Variants in MIA2 observed in about 807,000 individuals in gnomAD.
The protein encoded by MIA2 is melanoma inhibitory activity protein 2.
Under a neutral mutation model 167.8 loss-of-function variants are expected in MIA2, and 127 were observed. That is an observed-to-expected ratio of 0.76 (90% CI 0.66 to 0.88). The LOEUF (loss-of-function observed/expected upper bound fraction) is 0.88. Among genes scored for constraint, MIA2 ranks in the 40% least tolerant of loss-of-function variants. The pLI is 0.00. For missense variants in MIA2, 1,690 were observed against 1,624.7 expected (o/e 1.04, Z -0.69); for synonymous variants, 552 against 541.9 (o/e 1.02, Z -0.26).
chr14:39,273,507 C>T (rs1002837658), intron 6 of MIA2, among the ~76,000 whole-genome samples: 1 of 152,082 alleles, frequency 6.6e-6, no homozygotes, highest in Non-Finnish European at 1.5e-5. Context: ...CATGTGCCAT[C>T]ATGCTTGGCT....
At chr14:39,288,454 TA>T (rs1482471421) in intron 9 of MIA2, among the ~76,000 whole-genome samples, 283 of 13,878 alleles carry the variant, frequency 0.02, 45 homozygotes, top group African/African-American at 0.04. Flanking sequence ...TATATATATA[TA>T]TATATATATA....
At chr14:39,341,973 A>G (rs985651339) in intron 25 of MIA2, among the ~76,000 whole-genome samples, 3 of 152,004 alleles carry the variant, frequency 2.0e-5, no homozygotes, top group Non-Finnish European at 4.4e-5. Context: ...AAACAAAACC[A>G]CAGAAAGGTT....
intron 23 of MIA2, among the ~76,000 whole-genome samples, chr14:39,368,908 C>T (rs1028249094): frequency 2.0e-5 from 3 of 152,076 alleles, no homozygotes; most frequent in Non-Finnish European, 4.4e-5. Context: ...CTTCTTCAAT[C>T]TCTCTATATT....
intron 23 of MIA2, among the ~76,000 whole-genome samples, chr14:39,358,569 G>T (rs1326475558): frequency 6.6e-6 from 1 of 152,160 alleles, no homozygotes; most frequent in African/African-American, 2.4e-5. Context: ...GTCATTCTCT[G>T]TCCAGCTTTG....
Position 39,321,000 on chromosome 14 carries a change from C to T in MIA2, c.3440C>T (p.Thr1147Ile). Reference sequence around the variant, plus strand: ...ACAAGAGCTTTTCTCTCTCCTCCAACTTTGTTGGAGGGTCCACTCAGACTC... The same window carrying T: ...ACAAGAGCTTTTCTCTCTCCTCCAATTTTGTTGGAGGGTCCACTCAGACTC... ...SETRAFLSPPTLLEGPLRLSP... is the reference protein window; with the variant it reads ...SETRAFLSPPILLEGPLRLSP... The change falls in exon 24 of 29, where the codon ACT becomes ATT. Residue 1147 changes from threonine (T) to isoleucine (I), a missense_variant. Coordinates refer to ENST00000640607, the MANE Select transcript of MIA2 (RefSeq NM_001329214.4). 1 of 1,613,792 alleles carries T rather than the reference C, an allele frequency of 6.2e-7. No individual in the cohort carries two copies. The highest frequency in any genetic ancestry group is 8.5e-7 in the Non-Finnish European group (1 of 1,179,750).
intron 24 of MIA2, among the ~76,000 whole-genome samples, chr14:39,324,180 G>C (rs1046874771): frequency 6.6e-5 from 10 of 152,206 alleles, no homozygotes; most frequent in African/African-American, 2.4e-4. Context: ...TGGGTAGTCA[G>C]TTGGCCTGTA....
chr14:39,320,858 A>G (rs1291727384), intron 23 of MIA2, 70 bp from the exon 24 acceptor site: 1 of 1,524,762 alleles, frequency 6.6e-7, no homozygotes, highest in East Asian at 2.3e-5. Flanking sequence ...AATTGTCGAA[A>G]TGGGATTCTA....
chr14:39,271,058 T>G (rs1405679335), intron 6 of MIA2, among the ~76,000 whole-genome samples: 1 of 152,216 alleles, frequency 6.6e-6, no homozygotes, highest in Non-Finnish European at 1.5e-5. Context: ...TACAAACATT[T>G]ACAGTTATGC....
chr14:39,373,513 T>C (rs1025957182), intron 23 of MIA2, among the ~76,000 whole-genome samples: 4 of 152,140 alleles, frequency 2.6e-5, no homozygotes, highest in Non-Finnish European at 5.9e-5. Context: ...TAAGAATCCA[T>C]TAGGATGTGT....
chr14:39,357,620 G>A (rs1034918465), intron 23 of MIA2, among the ~76,000 whole-genome samples: 14 of 152,082 alleles, frequency 9.2e-5, no homozygotes, highest in Non-Finnish European at 2.9e-5. Flanking sequence ...TATTTTGCTC[G>A]TTAGTTGATG....
intron 10 of MIA2, among the ~76,000 whole-genome samples, chr14:39,292,458 G>A (rs1339097472): frequency 6.6e-6 from 1 of 152,038 alleles, no homozygotes; most frequent in Non-Finnish European, 1.5e-5. Context: ...ACTATAATGT[G>A]ATGCAATTTA....
chr14:39,234,663 T>C (rs757164516), intron 1 of MIA2, among the ~76,000 whole-genome samples: 1 of 152,196 alleles, frequency 6.6e-6, no homozygotes, highest in Non-Finnish European at 1.5e-5. Context: ...CTCAGAACTT[T>C]CTGATTCTCA....
intron 6 of MIA2, among the ~76,000 whole-genome samples, chr14:39,257,302 G>C (rs2054863051): frequency 6.6e-6 from 1 of 152,162 alleles, no homozygotes; most frequent in Non-Finnish European, 1.5e-5. Context: ...AGGATAGTTA[G>C]CTCTTCATGT....
intron 4 of MIA2, among the ~76,000 whole-genome samples, chr14:39,249,163 C>G (rs2054445897): frequency 6.6e-6 from 1 of 152,080 alleles, no homozygotes; most frequent in Non-Finnish European, 1.5e-5. Context: ...TGTTTTGAGA[C>G]AAGGTTTCAC....
intron 6 of MIA2, among the ~76,000 whole-genome samples, chr14:39,270,324 C>T: frequency 6.6e-6 from 1 of 151,244 alleles, no homozygotes; most frequent in East Asian, 1.9e-4. Flanking sequence ...GCCTCAGCCT[C>T]CTGTGTAGCT....
chr14:39,331,899 T>A (rs967309836), intron 25 of MIA2, among the ~76,000 whole-genome samples: 1 of 152,206 alleles, frequency 6.6e-6, no homozygotes, highest in Non-Finnish European at 1.5e-5. Context: ...TTCCTTCATT[T>A]CAATGTTGCT....
In MIA2 at chr14:39,348,737, T is replaced by C; in HGVS notation, c.3838-6T>C. The C allele has an allele frequency of 6.2e-7, 1 of 1,613,762 alleles. No homozygotes were observed. Among genetic ancestry groups the C allele is most frequent in the East Asian group, 2.2e-5 (1 of 44,894 alleles). On this transcript the variant is annotated splice_region_variant and splice_polypyrimidine_tract_variant and intron_variant, in intron 27 of 28. Transcript: ENST00000640607. ...TTAGTGACTGCCATATGTCAATTTG[T>C]TGTAGAATTTAAATGTGCCTGATTC...
At position 39,299,088 on chromosome 14, in the gene MIA2, AAAAAAAAAAG is replaced by A. The variant is rs1396513665; in HGVS notation, c.2497-772_2497-763del. Among the ~76,000 whole-genome samples the A allele has an allele frequency of 2.7e-5, 4 of 149,742 alleles. No homozygotes were observed. The East Asian group carries it at 7.7e-4, about 29-fold the overall frequency. ...GCCTCTAAAAAAAAAAAAAAAAAAA[AAAAAAAAAAG>A]AAATAATTCCTTTCTAGTTATTTAT... is the stretch of plus-strand genomic sequence containing the variant. On this transcript the variant is annotated intron_variant, in intron 13 of 28. Coordinates refer to ENST00000640607, the MANE Select transcript of MIA2 (RefSeq NM_001329214.4).
At chr14:39,298,425 A>G (rs1176628182) in intron 13 of MIA2, among the ~76,000 whole-genome samples, 8 of 23,652 alleles carry the variant, frequency 3.4e-4, no homozygotes, top group East Asian at 2.5e-3. Flanking sequence ...ATATATATAT[A>G]TATATATATA....
Sources: allele counts gnomAD v4.1 joint callset (sites outside exome capture counted in the v4.1 genomes callset), GRCh38; gene constraint gnomAD v4.1.1; transcripts MANE v1.5; gene names NCBI Gene and HGNC (gene_info 2026-07-23, HGNC 2026-07-21).